The following KHDC4 variants were observed in gnomAD, a reference collection of about 807,000 sequenced individuals.
The protein encoded by KHDC4 is KH homology domain-containing protein 4.
KHDC4 carries 19 observed loss-of-function variants against 74.5 expected under a neutral mutation model. The ratio of observed to expected loss-of-function variants is 0.26; its 90% CI spans 0.18 to 0.37. The LOEUF (loss-of-function observed/expected upper bound fraction) is 0.37. KHDC4 is among the 10% of genes least tolerant of loss of function. KHDC4 has a pLI of 1.00. For missense variants in KHDC4, 632 were observed against 754.1 expected (o/e 0.84, Z 1.90); for synonymous variants, 253 against 266.1 (o/e 0.95, Z 0.48).
chr1:155,916,560 A>C, intron 12 of KHDC4, 65 bp downstream of exon 12: 1 of 1,057,786 alleles, frequency 9.5e-7, no homozygotes, highest in African/African-American at 1.6e-5. Flanking sequence ...AGCAATGATC[A>C]TTACTCTCAC....
At chr1:155,929,494 T>A in intron 3 of KHDC4, 119 bp from the exon 4 acceptor site, 2 of 1,014,420 alleles carry the variant, frequency 2.0e-6, no homozygotes, top group Non-Finnish European at 2.9e-6. Context: ...CTCTCCTGTA[T>A]CTGAAATTTT....
In KHDC4 at chr1:155,925,863, C is replaced by T; in HGVS notation, c.682-20G>A. On this transcript the variant is annotated intron_variant, in intron 6 of 13. Transcript: ENST00000368321. Reference sequence around the variant, plus strand: ...ATGCATCTGTAGGAAGAACAGAATACTTCAGATTAAACAGAATATATAATT... The same window carrying T: ...ATGCATCTGTAGGAAGAACAGAATATTTCAGATTAAACAGAATATATAATT... The T allele has an allele frequency of 1.3e-6, 2 of 1,523,984 alleles. No homozygotes were observed. The highest frequency in any genetic ancestry group is 4.5e-5 in the East Asian group (2 of 44,470). 94.4% of individuals were successfully genotyped at this position (1,523,984 alleles called of 1,614,324 possible).
intron 11 of KHDC4, 89 bp from the exon 12 acceptor site, chr1:155,916,826 T>C (rs1673742092): frequency 1.2e-6 from 1 of 839,926 alleles, no homozygotes; most frequent in Non-Finnish European, 2.0e-6. Flanking sequence ...GTGCCTCATC[T>C]TTCTGATAAG....
chr1:155,934,394 C>T lies in KHDC4; in HGVS notation c.-21G>A, dbSNP rs750253564. ...GACATGGCGACCGCTTCTACTCAAC[C>T]ACCCGCCAACTATCCGACTACCACC... On this transcript the variant is annotated 5_prime_UTR_variant, in exon 1 of 14. Transcript: ENST00000368321. The T allele has an allele frequency of 1.2e-6, 2 of 1,611,446 alleles. No homozygotes were observed. The highest frequency in any genetic ancestry group is 2.2e-5 in the South Asian group (2 of 90,976).
chr1:155,930,197 G>C (rs1036862735), intron 2 of KHDC4, among the ~76,000 whole-genome samples: 1 of 152,238 alleles, frequency 6.6e-6, no homozygotes, highest in Non-Finnish European at 1.5e-5. Context: ...ACAGGCGTGA[G>C]CCACTGTGCC....
chr1:155,933,724 G>A lies in KHDC4; in HGVS notation c.164C>T (p.Ala55Val), dbSNP rs1674192376. 2 of 1,611,768 alleles carry A rather than the reference G, an allele frequency of 1.2e-6. No homozygotes were observed. Among genetic ancestry groups the A allele is most frequent in the Non-Finnish European group, 1.7e-6 (2 of 1,178,578 alleles). ...AGCCACAGCAGCAGCAGCATCCAAGGCTCCTGAAGGAGCAGCTGTGGTGCC... is the reference window on the plus strand; with the variant it reads ...AGCCACAGCAGCAGCAGCATCCAAGACTCCTGAAGGAGCAGCTGTGGTGCC... ...PGGTTAAPSG[A>V]LDAAAAVAAK... Residue 55 changes from alanine (A) to valine (V), a missense_variant, in exon 2 of 14, where the codon GCC becomes GTC. This residue lies in a region of KHDC4 where 104 missense variants were observed against 78.1 expected (regional missense o/e 1.33). Coordinates refer to ENST00000368321, the MANE Select transcript of KHDC4 (RefSeq NM_014949.4).
chr1:155,927,817 A>AC (rs1674039867), intron 4 of KHDC4, among the ~76,000 whole-genome samples: 1 of 103,998 alleles, frequency 9.6e-6, no homozygotes, highest in Non-Finnish European at 1.9e-5. Flanking sequence ...AAAAAAAAAA[A>AC]AAAAAAAAAA....
At chr1:155,933,573 C>A (rs979424518) in intron 2 of KHDC4, 60 bp downstream of exon 2, 5 of 1,393,404 alleles carry the variant, frequency 3.6e-6, no homozygotes, top group Admixed American at 2.0e-5. Flanking sequence ...CGTAAGCCAC[C>A]GCGCCCGGCA....
At chr1:155,926,016 A>G (rs1289664246) in intron 6 of KHDC4, 173 bp from the exon 7 acceptor site, 3 of 764,514 alleles carry the variant, frequency 3.9e-6, no homozygotes, top group East Asian at 4.9e-5. Context: ...GCTCTCTCCA[A>G]CCCTTTTTTC....
rs1264234597 is a variant in KHDC4 at position 155,921,457 on chromosome 1, A to G, written c.1184T>C (p.Leu395Ser). ...TGGGACTCCAGTAGGTAATGCCGGCAAGACTCCAGGTGCTAATGAAACAGC... is the reference window on the plus strand; with the variant it reads ...TGGGACTCCAGTAGGTAATGCCGGCGAGACTCCAGGTGCTAATGAAACAGC... Reference protein sequence around the residue: ...PPAVSLAPGVLPALPTGVPPV... With the variant: ...PPAVSLAPGVSPALPTGVPPV... The change falls in exon 10 of 14, where the codon TTG (leucine) becomes TCG (serine). Residue 395 changes from leucine (L) to serine (S), a missense_variant. By Grantham distance (145) the Leu-to-Ser change is moderately radical (BLOSUM62 -2). Coordinates refer to ENST00000368321, the MANE Select transcript of KHDC4 (RefSeq NM_014949.4). The G allele has an allele frequency of 6.2e-7, 1 of 1,614,132 alleles. No individual in the cohort carries two copies.
chr1:155,918,971 G>GTTTTTTTTT (rs66693073), intron 10 of KHDC4, among the ~76,000 whole-genome samples: 3 of 107,450 alleles, frequency 2.8e-5, no homozygotes, highest in South Asian at 3.1e-4. Flanking sequence ...CTAACTCCCA[G>GTTTTTTTTT]TTTTTTTTTT....
intron 13 of KHDC4, chr1:155,915,521 T>C (rs990160021): frequency 1.1e-5 from 3 of 266,140 alleles, no homozygotes; most frequent in Non-Finnish European, 2.1e-5. Flanking sequence ...TATTTATTTA[T>C]TTATGAGATG....
chr1:155,928,735 A>C (rs545958454), intron 4 of KHDC4, among the ~76,000 whole-genome samples: 1 of 151,930 alleles, frequency 6.6e-6, no homozygotes, highest in Non-Finnish European at 1.5e-5. Flanking sequence ...GGTGGATCAC[A>C]AGGTCAGGAG....
rs2102594350 is a variant in KHDC4 at position 155,913,057 on chromosome 1, A to T, written c.*1064T>A. 1 of 152,726 alleles carries T rather than the reference A, an allele frequency of 6.5e-6. No homozygotes were observed. Among genetic ancestry groups the T allele is most frequent in the Admixed American group, 6.5e-5 (1 of 15,296 alleles). 9.5% of individuals were successfully genotyped at this position (152,726 alleles called of 1,614,324 possible). On this transcript the variant is annotated 3_prime_UTR_variant, in exon 14 of 14. Coordinates refer to ENST00000368321, the MANE Select transcript of KHDC4 (RefSeq NM_014949.4). Reference sequence around the variant, plus strand: ...GAAACCACAAGCAGAATATTTATAGATTTATTTATAATGAAATTATGGTCT... The same window carrying T: ...GAAACCACAAGCAGAATATTTATAGTTTTATTTATAATGAAATTATGGTCT...
intron 4 of KHDC4, 50 bp downstream of exon 4, chr1:155,929,246 C>A (rs767130590): frequency 3.1e-5 from 40 of 1,282,454 alleles, no homozygotes; most frequent in Admixed American, 8.5e-5. Context: ...ATGAGGCTAA[C>A]GTGAGTCATA....
chr1:155,933,300 T>C (rs1005831766), intron 2 of KHDC4, among the ~76,000 whole-genome samples: 2 of 152,068 alleles, frequency 1.3e-5, no homozygotes, highest in African/African-American at 4.8e-5. Context: ...ACTTTTTTTT[T>C]TTTTTTTTGA....
At chr1:155,922,573 T>A (rs761579399) in intron 8 of KHDC4, among the ~76,000 whole-genome samples, 1 of 152,188 alleles carries the variant, frequency 6.6e-6, no homozygotes, top group African/African-American at 2.4e-5. Context: ...GCCACAGAAA[T>A]TAAGTAACTA....
At chr1:155,916,056 A>G in intron 12 of KHDC4, 92 bp from the exon 13 acceptor site, 2 of 778,390 alleles carry the variant, frequency 2.6e-6, no homozygotes, top group Non-Finnish European at 4.3e-6. Context: ...TCTGCAGACA[A>G]TCCTTCAAAT....
At chr1:155,921,270 G>T in intron 10 of KHDC4, 105 bp downstream of exon 10, 1 of 1,363,186 alleles carries the variant, frequency 7.3e-7, no homozygotes, top group Non-Finnish European at 1.0e-6. Context: ...GCAGGAAAAA[G>T]ACATTCCACA....
Sources: allele counts gnomAD v4.1 joint callset (sites outside exome capture counted in the v4.1 genomes callset), GRCh38; gene constraint gnomAD v4.1.1; regional missense constraint gnomAD v4.1.1; transcripts MANE v1.5; gene names NCBI Gene and HGNC (gene_info 2026-07-23, HGNC 2026-07-21).